Variants in KIF6 observed in about 807,000 individuals in gnomAD.
KIF6 encodes the protein kinesin-like protein KIF6.
A neutral mutation model predicts 112.7 loss-of-function variants in KIF6; 106 were observed. The observed-to-expected ratio is 0.94, with a 90% confidence interval of 0.80 to 1.11. The LOEUF (loss-of-function observed/expected upper bound fraction) is 1.11, where lower values mean the gene tolerates loss of function less well. KIF6 is among the 50% of genes least tolerant of loss of function. The probability of loss-of-function intolerance (pLI) is 0.00; values close to 1 mark genes in which losing one functional copy is unlikely to be tolerated. For synonymous variants in KIF6, 339 were observed against 339.9 expected (o/e 1.00, Z 0.03); for missense variants, 929 against 964.0 (o/e 0.96, Z 0.48).
At chr6:39,715,783 G>A (rs759566220) in intron 2 of KIF6, among the ~76,000 whole-genome samples, 1 of 152,182 alleles carries the variant, frequency 6.6e-6, no homozygotes, top group African/African-American at 2.4e-5. Flanking sequence ...TGGCTAGTAT[G>A]TCATTTAGCA....
At chr6:39,590,331 T>C (rs1415097409) in intron 7 of KIF6, among the ~76,000 whole-genome samples, 1 of 151,834 alleles carries the variant, frequency 6.6e-6, no homozygotes, top group Non-Finnish European at 1.5e-5. Context: ...TTGATGTCTT[T>C]TCATTCAATG....
chr6:39,643,586 T>A (rs1035915625), intron 3 of KIF6, among the ~76,000 whole-genome samples: 1 of 152,158 alleles, frequency 6.6e-6, no homozygotes, highest in Admixed American at 6.6e-5. Context: ...ATGGTCTTTT[T>A]AACAAATGAT....
chr6:39,375,779 C>G (rs2150294537), intron 16 of KIF6, among the ~76,000 whole-genome samples: 1 of 152,328 alleles, frequency 6.6e-6, no homozygotes, highest in Non-Finnish European at 1.5e-5. Context: ...CAAAAAATCT[C>G]TCTCCATATA....
intron 13 of KIF6, among the ~76,000 whole-genome samples, chr6:39,513,124 A>G (rs1026112871): frequency 1.8e-4 from 28 of 152,186 alleles, no homozygotes; most frequent in African/African-American, 6.8e-4. Context: ...TGTTCTGTTC[A>G]TAATACCTGG....
intron 13 of KIF6, among the ~76,000 whole-genome samples, chr6:39,517,462 T>G (rs570682928): frequency 1.1e-4 from 16 of 152,334 alleles, no homozygotes; most frequent in African/African-American, 3.8e-4. Context: ...CTTGGACACA[T>G]GAACCACCAC....
intron 18 of KIF6, among the ~76,000 whole-genome samples, chr6:39,358,056 G>A (rs923146850): frequency 6.6e-6 from 1 of 152,204 alleles, no homozygotes; most frequent in Non-Finnish European, 1.5e-5. Flanking sequence ...ACTAAAGTCA[G>A]GAGACATCCA....
intron 3 of KIF6, among the ~76,000 whole-genome samples, chr6:39,668,337 C>T (rs765725972): frequency 3.1e-4 from 47 of 152,108 alleles, no homozygotes; most frequent in Non-Finnish European, 5.9e-4. Flanking sequence ...TGATTCCTTC[C>T]GGCTTTCTTT....
chr6:39,588,542 C>T (rs926410716), intron 7 of KIF6, among the ~76,000 whole-genome samples: 1 of 152,076 alleles, frequency 6.6e-6, no homozygotes, highest in Non-Finnish European at 1.5e-5. Flanking sequence ...GCATTTATAT[C>T]CTGATGTCTT....
intron 13 of KIF6, among the ~76,000 whole-genome samples, chr6:39,457,861 A>C (rs1773235058): frequency 6.6e-6 from 1 of 151,650 alleles, no homozygotes; most frequent in Non-Finnish European, 1.5e-5. Context: ...ACAGGAGCTG[A>C]AATTGTGGCA....
intron 3 of KIF6, among the ~76,000 whole-genome samples, chr6:39,708,665 G>C (rs1789354619): frequency 6.6e-6 from 1 of 152,080 alleles, no homozygotes. Flanking sequence ...AAGCTTTTAG[G>C]TAAAACATAG....
intron 16 of KIF6, among the ~76,000 whole-genome samples, chr6:39,384,494 C>T (rs529667084): frequency 3.3e-5 from 5 of 152,342 alleles, no homozygotes; most frequent in African/African-American, 1.2e-4. Context: ...CCAGGGCCAA[C>T]AGTGGGAAGC....
rs201416388 is a variant in KIF6, at chr6:39,353,918, CA to C, written c.2180+3358del. On this transcript the variant is annotated intron_variant, in intron 19 of 22. Coordinates refer to ENST00000287152, the MANE Select transcript of KIF6 (RefSeq NM_145027.6). ...GCTAAGTGGAGCTAAGTGTGATGCC[CA>C]GACCCATGGGGGTGCCACTGCTCTG... 4.0e-3 allele frequency: 2,243 copies of C among 565,850 alleles called. 49 individuals carry two copies. Among genetic ancestry groups the C allele is most frequent in the African/African-American group, 0.038 (1,999 of 52,186 alleles). 35.1% of individuals were successfully genotyped at this position (565,850 alleles called of 1,614,324 possible).
chr6:39,566,360 A>G (rs1268991289), intron 10 of KIF6, among the ~76,000 whole-genome samples: 1 of 152,202 alleles, frequency 6.6e-6, no homozygotes, highest in African/African-American at 2.4e-5. Flanking sequence ...TCTTTTTATG[A>G]TTCAGGCTGC....
intron 13 of KIF6, among the ~76,000 whole-genome samples, chr6:39,452,869 C>T (rs1772793969): frequency 6.6e-6 from 1 of 152,218 alleles, no homozygotes; most frequent in African/African-American, 2.4e-5. Flanking sequence ...TTGCAGTCAA[C>T]AGCATAAGAT....
At chr6:39,478,698 CTA>C (rs1442309409) in intron 13 of KIF6, among the ~76,000 whole-genome samples, 2 of 136,906 alleles carry the variant, frequency 1.5e-5, no homozygotes, top group Admixed American at 7.3e-5. Context: ...ATGACAACAT[CTA>C]TTTTTTTTTT....
At chr6:39,380,579 G>A (rs772912894) in intron 16 of KIF6, among the ~76,000 whole-genome samples, 19 of 152,116 alleles carry the variant, frequency 1.2e-4, no homozygotes, top group Admixed American at 2.0e-4. Context: ...GCACACACCC[G>A]GCCATGAAAG....
chr6:39,543,061 C>T (rs1778873525), intron 12 of KIF6, among the ~76,000 whole-genome samples: 2 of 152,286 alleles, frequency 1.3e-5, no homozygotes, highest in African/African-American at 2.4e-5. Flanking sequence ...ATCTCTCTTT[C>T]ACTCTCTTTT....
intron 14 of KIF6, among the ~76,000 whole-genome samples, chr6:39,421,197 G>C (rs1433317571): frequency 1.3e-5 from 2 of 152,234 alleles, no homozygotes; most frequent in East Asian, 3.8e-4. Flanking sequence ...GCCTGTCCAC[G>C]AGTGAGCGGA....
intron 6 of KIF6, among the ~76,000 whole-genome samples, chr6:39,607,181 A>G (rs1782938330): frequency 6.6e-6 from 1 of 152,204 alleles, no homozygotes; most frequent in South Asian, 2.1e-4. Flanking sequence ...ACTAAATTTT[A>G]TAGCCAAAAG....
Sources: allele counts gnomAD v4.1 joint callset (sites outside exome capture counted in the v4.1 genomes callset), GRCh38; gene constraint gnomAD v4.1.1; transcripts MANE v1.5; gene names NCBI Gene and HGNC (gene_info 2026-07-23, HGNC 2026-07-21).